The following EYS variants were observed in gnomAD, a reference collection of about 807,000 sequenced individuals.
The protein encoded by EYS is protein eyes shut homolog.
EYS carries 250 observed loss-of-function variants against 282.1 expected under a neutral mutation model. That is an observed-to-expected ratio of 0.89 (90% CI 0.80 to 0.98). EYS has a LOEUF of 0.98. Among genes scored for constraint, EYS ranks in the 50% least tolerant of loss-of-function variants. The pLI, the probability that EYS is intolerant of heterozygous loss-of-function variation, is 0.00. For synonymous variants in EYS, 1,355 were observed against 1,282.9 expected, an observed-to-expected ratio of 1.06 and a Z score of -1.20; for missense variants, 4,016 against 3,709.0, an observed-to-expected ratio of 1.08 and a Z score of -2.15.
At chr6:63,798,258 CTCAG>C (rs769395743) in intron 37 of EYS, among the ~76,000 whole-genome samples, 12 of 152,134 alleles carry the variant, frequency 7.9e-5, no homozygotes, top group South Asian at 2.1e-4. Context: ...TTATGTGTTT[CTCAG>C]TCAGTCGGGA....
In EYS at chr6:64,223,918, T is replaced by A. The variant is rs116671366; in HGVS notation, c.6424+6674A>T. 9.5e-3 allele frequency among the ~76,000 whole-genome samples: 1,447 copies of A among 152,198 alleles called. 24 individuals carry two copies. The highest frequency in any genetic ancestry group is 0.033 in the African/African-American group (1,381 of 41,556). On this transcript the variant is annotated intron_variant, in intron 31 of 42. Coordinates refer to ENST00000503581, the MANE Select transcript of EYS (RefSeq NM_001142800.2). ...TAGTTGATCATTCATGCTTTGACTG[T>A]AACCTTTTGTAGAATAGGCCTATAT...
rs368442712 is a variant in EYS, at chr6:64,953,237, G to C, written c.2260-7323C>G. Among the ~76,000 whole-genome samples the C allele has an allele frequency of 4.6e-5, 7 of 151,508 alleles. No individual in the cohort carries two copies. In the East Asian group the frequency reaches 5.8e-4, roughly 13 times the overall value. ...AATTTTTTACTAACATGTGTGCTTT[G>C]TGAAACTTTCTATTAGATTACTGAA... On this transcript the variant is annotated intron_variant, in intron 14 of 42. Transcript: ENST00000503581.
chr6:64,989,596 T>C (rs1239734721), intron 14 of EYS, among the ~76,000 whole-genome samples: 1 of 141,424 alleles, frequency 7.1e-6, no homozygotes, highest in Non-Finnish European at 1.5e-5. Flanking sequence ...AATTATATTA[T>C]TTAATTTAAA....
intron 11 of EYS, among the ~76,000 whole-genome samples, chr6:65,313,006 G>A (rs1327401410): frequency 6.6e-6 from 1 of 152,128 alleles, no homozygotes; most frequent in Non-Finnish European, 1.5e-5. Context: ...AGATGAGGTA[G>A]TAGAGATCCC....
chr6:65,671,534 A>T (rs993015), intron 1 of EYS, among the ~76,000 whole-genome samples: 121,532 of 152,064 alleles, frequency 0.8, 48,805 homozygotes, highest in East Asian at 0.85. Flanking sequence ...CTTGACACAA[A>T]AATATTAGGA....
chr6:64,101,100 T>C (rs1772810758), intron 31 of EYS, among the ~76,000 whole-genome samples: 1 of 152,196 alleles, frequency 6.6e-6, no homozygotes, highest in South Asian at 2.1e-4. Context: ...CTCAGTTTTT[T>C]GGCTCTTACT....
At chr6:65,642,233 G>A (rs534708163) in intron 1 of EYS, among the ~76,000 whole-genome samples, 34 of 152,028 alleles carry the variant, frequency 2.2e-4, no homozygotes, top group African/African-American at 6.7e-4. Context: ...TTTGTGTTTC[G>A]GTGGGTACAT....
chr6:65,288,882 C>A (rs1450858997), intron 12 of EYS, among the ~76,000 whole-genome samples: 1 of 150,760 alleles, frequency 6.6e-6, no homozygotes, highest in African/African-American at 2.4e-5. Flanking sequence ...ATATGGTAAG[C>A]TAATTAAAAG....
intron 41 of EYS, among the ~76,000 whole-genome samples, chr6:63,752,178 G>C (rs1769354581): frequency 6.6e-6 from 1 of 152,102 alleles, no homozygotes; most frequent in Non-Finnish European, 1.5e-5. Flanking sequence ...AGGATACCTG[G>C]ACTTCTACAG....
chr6:64,915,379 A>G (rs536302325), intron 15 of EYS, among the ~76,000 whole-genome samples: 56 of 152,282 alleles, frequency 3.7e-4, no homozygotes, highest in African/African-American at 1.3e-3. Flanking sequence ...TCAACACAAT[A>G]AATGTTGACA....
At chr6:65,121,111 A>T (rs1775535406) in intron 12 of EYS, among the ~76,000 whole-genome samples, 1 of 151,684 alleles carries the variant, frequency 6.6e-6, no homozygotes, top group Admixed American at 6.6e-5. Flanking sequence ...CTTGGTGGGG[A>T]GCAGAGGCAC....
intron 22 of EYS, among the ~76,000 whole-genome samples, chr6:64,711,144 GAC>G (rs760218109): frequency 3.9e-5 from 6 of 152,116 alleles, no homozygotes; most frequent in Non-Finnish European, 7.4e-5. Context: ...TAATTAAAAA[GAC>G]ATTGTTTACC....
chr6:65,058,339 C>T (rs1773475818), intron 12 of EYS, among the ~76,000 whole-genome samples: 1 of 151,978 alleles, frequency 6.6e-6, no homozygotes, highest in Admixed American at 6.6e-5. Flanking sequence ...TCAGTAGAGA[C>T]AGGGCTTCAC....
intron 5 of EYS, among the ~76,000 whole-genome samples, chr6:65,454,918 T>C (rs974753354): frequency 7.2e-5 from 11 of 152,140 alleles, no homozygotes; most frequent in African/African-American, 2.4e-4. Flanking sequence ...TTTTGTAGTG[T>C]ATGTTGAAGT....
At chr6:65,402,997 T>C (rs1466758529) in intron 6 of EYS, among the ~76,000 whole-genome samples, 1 of 152,174 alleles carries the variant, frequency 6.6e-6, no homozygotes, top group African/African-American at 2.4e-5. Context: ...ATGTTTAGGA[T>C]TGTGGCTAAT....
At chr6:64,246,771 C>A (rs888524141) in intron 30 of EYS, among the ~76,000 whole-genome samples, 1 of 152,072 alleles carries the variant, frequency 6.6e-6, no homozygotes, top group Admixed American at 6.5e-5. Context: ...TAAAAACAAA[C>A]CATTTTTAGA....
At chr6:64,089,307 T>C (rs1405880818) in intron 31 of EYS, among the ~76,000 whole-genome samples, 1 of 150,980 alleles carries the variant, frequency 6.6e-6, no homozygotes, top group Non-Finnish European at 1.5e-5. Flanking sequence ...TAACCAATAA[T>C]ATTCAAAGGT....
intron 22 of EYS, among the ~76,000 whole-genome samples, chr6:64,789,776 A>G (rs972812402): frequency 6.6e-6 from 1 of 151,738 alleles, no homozygotes; most frequent in African/African-American, 2.4e-5. Flanking sequence ...CCTGTATCTA[A>G]TTTTAATTTC....
At chr6:64,342,832 A>G (rs1009877718) in intron 29 of EYS, among the ~76,000 whole-genome samples, 1 of 152,174 alleles carries the variant, frequency 6.6e-6, no homozygotes, top group Admixed American at 6.6e-5. Flanking sequence ...AGAGACACAC[A>G]TAGACTCAAA....
Sources: gnomAD v4.1 joint callset for allele counts (sites outside exome capture counted in the v4.1 genomes callset) on GRCh38, gnomAD v4.1.1 for gene constraint, MANE v1.5 for transcripts, NCBI Gene and HGNC (gene_info 2026-07-23, HGNC 2026-07-21) for gene names.